The following SLC14A2 variants were observed in gnomAD, a reference collection of about 807,000 sequenced individuals.
SLC14A2 encodes solute carrier family 14 member 2.
Under a neutral mutation model 104.6 loss-of-function variants are expected in SLC14A2, and 91 were observed. The ratio of observed to expected loss-of-function variants is 0.87; its 90% CI spans 0.73 to 1.04. The LOEUF is 1.04. SLC14A2 is among the 50% of genes least tolerant of loss of function. The probability of loss-of-function intolerance (pLI) is 0.00; values close to 1 mark genes in which losing one functional copy is unlikely to be tolerated. For synonymous variants in SLC14A2, 476 were observed against 466.4 expected, an observed-to-expected ratio of 1.02 and a Z score of -0.27; for missense variants, 1,189 against 1,156.0, an observed-to-expected ratio of 1.03 and a Z score of -0.41.
chr18:45,245,739 T>C (rs1462451705), intron 1 of SLC14A2, among the ~76,000 whole-genome samples: 5 of 152,220 alleles, frequency 3.3e-5, no homozygotes, highest in Non-Finnish European at 7.3e-5. Context: ...ATTTAACTCA[T>C]CATTCCTTCA....
At chr18:45,443,374 CATCATCTG>C (rs1368998444) in intron 1 of SLC14A2, among the ~76,000 whole-genome samples, 1 of 152,196 alleles carries the variant, frequency 6.6e-6, no homozygotes, top group African/African-American at 2.4e-5. Context: ...CAAAAAAAGG[CATCATCTG>C]ATGCTAATGG....
rs916307453 is a variant in SLC14A2, at chr18:45,642,775, A to G, written c.1127-357A>G. Reference sequence around the variant, plus strand: ...ATAGTCTGACCACTCTTCCCCTACAACAATCATCCAGCCTGTACTAGCTCT... The same window carrying G: ...ATAGTCTGACCACTCTTCCCCTACAGCAATCATCCAGCCTGTACTAGCTCT... On this transcript the variant is annotated intron_variant, in intron 8 of 19. Coordinates refer to ENST00000255226, the MANE Select transcript of SLC14A2 (RefSeq NM_007163.4). Among the ~76,000 whole-genome samples, 5 of 152,310 alleles carry G rather than the reference A, an allele frequency of 3.3e-5. 1 individual carries two copies. Among genetic ancestry groups the G allele is most frequent in the Admixed American group, 6.5e-5 (1 of 15,306 alleles).
chr18:45,208,944 G>A (rs540962569), upstream of SLC14A2, among the ~76,000 whole-genome samples: 131 of 151,268 alleles, frequency 8.7e-4, no homozygotes, highest in African/African-American at 2.8e-3. Flanking sequence ...AACATTGTCA[G>A]AACTGGCTTT....
intron 1 of SLC14A2, among the ~76,000 whole-genome samples, chr18:45,455,020 G>GT (rs1466421840): frequency 1.3e-5 from 2 of 152,142 alleles, no homozygotes; most frequent in Non-Finnish European, 2.9e-5. Context: ...GTTTAAAGTA[G>GT]TTTTTTCCAA....
chr18:45,345,736 G>T (rs2144293936), intron 1 of SLC14A2, among the ~76,000 whole-genome samples: 1 of 152,280 alleles, frequency 6.6e-6, no homozygotes, highest in Non-Finnish European at 1.5e-5. Flanking sequence ...TCCTTTGATA[G>T]ATCTGAGAGT....
At chr18:45,490,836 G>A (rs1181764429) in intron 2 of SLC14A2, among the ~76,000 whole-genome samples, 1 of 152,094 alleles carries the variant, frequency 6.6e-6, no homozygotes, top group Admixed American at 6.5e-5. Flanking sequence ...TCACAGAAAT[G>A]GAAATCAAAA....
the SLC14A2 span, among the ~76,000 whole-genome samples, chr18:45,191,454 G>A: frequency 1.3e-4 from 20 of 152,292 alleles, no homozygotes; most frequent in Non-Finnish European, 2.5e-4. Context: ...TCAAACAAAT[G>A]TATACATCCA....
chr18:45,352,056 G>A (rs75046432), intron 1 of SLC14A2, among the ~76,000 whole-genome samples: 1 of 152,124 alleles, frequency 6.6e-6, no homozygotes, highest in Admixed American at 6.5e-5. Context: ...AGGAAGTCGT[G>A]GACAGGGCTG....
intron 10 of SLC14A2, among the ~76,000 whole-genome samples, chr18:45,651,669 C>T (rs558926506): frequency 9.9e-5 from 15 of 152,234 alleles, no homozygotes; most frequent in African/African-American, 2.4e-4. Flanking sequence ...ATTACCACTG[C>T]GGCCTCTCTT....
At chr18:45,219,486 A>G (rs1001235610) in intron 1 of SLC14A2, among the ~76,000 whole-genome samples, 2 of 150,424 alleles carry the variant, frequency 1.3e-5, no homozygotes, top group Middle Eastern at 3.2e-3. Context: ...AGGTGGTAGA[A>G]TCTAGAGAGT....
chr18:45,493,870 C>T (rs938731677), intron 2 of SLC14A2, among the ~76,000 whole-genome samples: 2 of 152,160 alleles, frequency 1.3e-5, no homozygotes, highest in African/African-American at 4.8e-5. Context: ...AACTGCTTTT[C>T]ACTTGAAACT....
intron 10 of SLC14A2, among the ~76,000 whole-genome samples, chr18:45,662,882 T>C (rs767088221): frequency 8.6e-5 from 13 of 151,960 alleles, no homozygotes; most frequent in Non-Finnish European, 2.9e-5. Context: ...GAGACCTGGG[T>C]GTGGGTGAGG....
intron 2 of SLC14A2, among the ~76,000 whole-genome samples, chr18:45,584,861 A>G (rs1257589337): frequency 6.6e-6 from 1 of 152,236 alleles, no homozygotes; most frequent in African/African-American, 2.4e-5. Flanking sequence ...AAAAATGTTA[A>G]GTGCTGGAAT....
At chr18:45,171,305 C>T in the SLC14A2 span, among the ~76,000 whole-genome samples, 1 of 151,752 alleles carries the variant, frequency 6.6e-6, no homozygotes, top group Non-Finnish European at 1.5e-5. Flanking sequence ...TATCCTAGGG[C>T]TTCGTGGATG....
chr18:45,322,580 C>T (rs781352328), intron 1 of SLC14A2, among the ~76,000 whole-genome samples: 1 of 152,206 alleles, frequency 6.6e-6, no homozygotes, highest in Non-Finnish European at 1.5e-5. Flanking sequence ...ATCAGGTCAG[C>T]AAATGTCATT....
intron 2 of SLC14A2, among the ~76,000 whole-genome samples, chr18:45,493,448 A>G (rs2043036307): frequency 6.6e-6 from 1 of 152,232 alleles, no homozygotes; most frequent in South Asian, 2.1e-4. Context: ...TTCATGGTAT[A>G]TAGCTCATAA....
At chr18:45,639,706 T>G (rs1406720395) in intron 6 of SLC14A2, 40 bp from the exon 7 acceptor site, 1 of 1,604,344 alleles carries the variant, frequency 6.2e-7, no homozygotes, top group Admixed American at 1.7e-5. Context: ...TTTGCATTAT[T>G]GTCCATGCTC....
chr18:45,582,864 A>C (rs1285470682), intron 2 of SLC14A2, among the ~76,000 whole-genome samples: 1 of 152,144 alleles, frequency 6.6e-6, no homozygotes, highest in Non-Finnish European at 1.5e-5. Context: ...AGATGACAAA[A>C]TGGAACCACT....
chr18:45,547,565 G>A (rs749045397), intron 2 of SLC14A2, among the ~76,000 whole-genome samples: 2 of 152,204 alleles, frequency 1.3e-5, no homozygotes, highest in Non-Finnish European at 2.9e-5. Flanking sequence ...TCTTAGCTTG[G>A]GACCTGGGAA....
Sources: gnomAD v4.1 joint callset for allele counts (sites outside exome capture counted in the v4.1 genomes callset) on GRCh38, gnomAD v4.1.1 for gene constraint, MANE v1.5 for transcripts, NCBI Gene and HGNC (gene_info 2026-07-23, HGNC 2026-07-21) for gene names.